BCAS3: variants seen among roughly 807,000 people sequenced by gnomAD.
The protein encoded by BCAS3 is BCAS3 microtubule associated cell migration factor.
A neutral mutation model predicts 116.1 loss-of-function variants in BCAS3; 53 were observed. The observed-to-expected ratio is 0.46, with a 90% CI of 0.37 to 0.57. The LOEUF is 0.57. BCAS3 is among the 20% of genes least tolerant of loss of function. The probability of loss-of-function intolerance (pLI) is 0.00; values close to 1 mark genes in which losing one functional copy is unlikely to be tolerated. For missense variants in BCAS3, 917 were observed against 1,165.4 expected, an observed-to-expected ratio of 0.79 and a Z score of 3.10; for synonymous variants, 391 against 408.2, an observed-to-expected ratio of 0.96 and a Z score of 0.51.
intron 22 of BCAS3, among the ~76,000 whole-genome samples, chr17:61,246,573 C>T (rs2047975850): frequency 6.6e-6 from 1 of 151,664 alleles, no homozygotes; most frequent in Admixed American, 6.6e-5. Context: ...ATGTAGGAGC[C>T]TTGGTGTTAG....
intron 4 of BCAS3, among the ~76,000 whole-genome samples, chr17:60,707,819 T>G (rs1364799656): frequency 6.6e-6 from 1 of 152,236 alleles, no homozygotes; most frequent in Non-Finnish European, 1.5e-5. Context: ...TTTCCGATGT[T>G]AAACCATCTT....
At chr17:60,694,373 C>A (rs894614652) in intron 4 of BCAS3, among the ~76,000 whole-genome samples, 4 of 151,724 alleles carry the variant, frequency 2.6e-5, no homozygotes, top group African/African-American at 9.7e-5. Context: ...TGGTGGCATG[C>A]GCCTGTAGTC....
intron 22 of BCAS3, among the ~76,000 whole-genome samples, chr17:61,345,294 G>A (rs2143281148): frequency 6.6e-6 from 1 of 152,340 alleles, no homozygotes; most frequent in South Asian, 2.1e-4. Flanking sequence ...TTTGGGGGCT[G>A]TGTTTTGTGC....
At chr17:60,946,331 A>G (rs1188300345) in intron 13 of BCAS3, among the ~76,000 whole-genome samples, 2 of 152,170 alleles carry the variant, frequency 1.3e-5, no homozygotes, top group African/African-American at 4.8e-5. Flanking sequence ...TAAAATGATG[A>G]TAGGCCTAAA....
At chr17:60,854,329 T>G (rs1294841661) in intron 7 of BCAS3, among the ~76,000 whole-genome samples, 1 of 152,192 alleles carries the variant, frequency 6.6e-6, no homozygotes, top group African/African-American at 2.4e-5. Context: ...TCCAAGTCTT[T>G]GCTGTTGTGA....
chr17:61,253,037 G>A (rs1239572788), intron 22 of BCAS3, among the ~76,000 whole-genome samples: 1 of 151,430 alleles, frequency 6.6e-6, no homozygotes, highest in Non-Finnish European at 1.5e-5. Context: ...GTGCTACCAT[G>A]CCTAATTTTG....
At position 60,814,299 on chromosome 17, in the gene BCAS3, G is replaced by GCA. The variant is rs754671905; in HGVS notation, c.476+6223_476+6224insCA. 7.9e-5 allele frequency among the ~76,000 whole-genome samples: 10 copies of GCA among 126,430 alleles called. No individual in the cohort carries two copies. The East Asian group carries it at 8.2e-4, about 10-fold the overall frequency. 82.9% of individuals were successfully genotyped at this position (126,430 alleles called of 152,430 possible). On this transcript the variant is annotated intron_variant, in intron 7 of 23. Coordinates refer to ENST00000407086, the MANE Select transcript of BCAS3 (RefSeq NM_017679.5). ...TGTGTGTGTGTGTGTGTGTGTGTGTGTGTGTGTGCGCGCGTGCCCATTGCA... is the reference window on the plus strand; with the variant it reads ...TGTGTGTGTGTGTGTGTGTGTGTGTGCATGTGTGTGCGCGCGTGCCCATTGCA...
At chr17:60,820,084 T>C (rs969566921) in intron 7 of BCAS3, among the ~76,000 whole-genome samples, 3 of 152,108 alleles carry the variant, frequency 2.0e-5, no homozygotes, top group Middle Eastern at 3.4e-3. Context: ...TTTTTTTTTT[T>C]TTCTGAGGCA....
In BCAS3 at chr17:61,176,322, A is replaced by G. The variant is rs924261569; in HGVS notation, c.2425+91758A>G. Among the ~76,000 whole-genome samples, 6 of 148,458 alleles carry G rather than the reference A, an allele frequency of 4.0e-5. No individual in the cohort carries two copies. In the East Asian group the frequency reaches 9.8e-4, roughly 24 times the overall value. ...TATATACATTTTTCTGACTTTATATATAGATATAAAACCAGAAAAGCTATT... is the reference window on the plus strand; with the variant it reads ...TATATACATTTTTCTGACTTTATATGTAGATATAAAACCAGAAAAGCTATT... On this transcript the variant is annotated intron_variant, in intron 22 of 23. Transcript: ENST00000407086.
chr17:60,789,933 C>A (rs2046611609), intron 6 of BCAS3, among the ~76,000 whole-genome samples: 1 of 151,920 alleles, frequency 6.6e-6, no homozygotes, highest in African/African-American at 2.4e-5. Flanking sequence ...ACATTGTTTT[C>A]TAACCTTGAA....
At chr17:60,794,031 A>G (rs1183105445) in intron 6 of BCAS3, among the ~76,000 whole-genome samples, 3 of 152,164 alleles carry the variant, frequency 2.0e-5, no homozygotes, top group Non-Finnish European at 2.9e-5. Flanking sequence ...CCAGCAGTGT[A>G]GAAGTGTTCC....
intron 9 of BCAS3, chr17:60,887,521 G>T (rs1350534932): frequency 6.6e-6 from 1 of 152,176 alleles, no homozygotes; most frequent in Non-Finnish European, 1.5e-5. Context: ...TTTTGTATGT[G>T]GTATGAGATA....
At chr17:60,739,535 G>A (rs559108271) in intron 5 of BCAS3, among the ~76,000 whole-genome samples, 9 of 152,066 alleles carry the variant, frequency 5.9e-5, no homozygotes, top group East Asian at 5.8e-4. Context: ...CAGGAGAATC[G>A]CTTGAATTCG....
rs113322219 is a variant in BCAS3 at position 60,923,071 on chromosome 17, A to C, written c.994-1336A>C. ...ATTATAACCAATGCAAGACTAATGA[A>C]GCAAATAATAAAGATCTGGATAGAA... On this transcript the variant is annotated intron_variant, in intron 12 of 23. Transcript: ENST00000407086. Among the ~76,000 whole-genome samples, 573 of 152,324 alleles carry C rather than the reference A, an allele frequency of 3.8e-3. 3 individuals are homozygous for C. The highest frequency in any genetic ancestry group is 0.013 in the African/African-American group (545 of 41,576).
At chr17:60,987,850 TC>T (rs1256391364) in intron 14 of BCAS3, among the ~76,000 whole-genome samples, 1 of 152,164 alleles carries the variant, frequency 6.6e-6, no homozygotes, top group Non-Finnish European at 1.5e-5. Context: ...GGCTAGGACT[TC>T]CGGTACTTTG....
intron 5 of BCAS3, among the ~76,000 whole-genome samples, chr17:60,716,132 A>T (rs1421649364): frequency 6.6e-6 from 1 of 152,218 alleles, no homozygotes; most frequent in Non-Finnish European, 1.5e-5. Flanking sequence ...AAGTGCTGGG[A>T]TTACAGGCGT....
intron 12 of BCAS3, among the ~76,000 whole-genome samples, chr17:60,911,668 CA>C (rs1445808232): frequency 1.3e-5 from 2 of 152,148 alleles, no homozygotes; most frequent in Admixed American, 1.3e-4. Context: ...CCCCTGGCCT[CA>C]GGTGATATGC....
rs1378444734 is a variant in BCAS3, at chr17:61,249,813, TTC to T, written c.2426-118512_2426-118511del. 2.0e-5 allele frequency among the ~76,000 whole-genome samples: 3 copies of T among 152,168 alleles called. No homozygotes were observed. Among genetic ancestry groups the T allele is most frequent in the South Asian group, 2.1e-4 (1 of 4,830 alleles). ...GTTATCTGTCAAAAGGGAAAAAACT[TTC>T]TGTTATCTACCTGATAGACCCATGG... is the stretch of plus-strand genomic sequence containing the variant. On this transcript the variant is annotated intron_variant, in intron 22 of 23. Transcript: ENST00000407086. The surrounding 1 kb of genome is among the most constrained non-coding windows in gnomAD (Gnocchi z 6.2).
intron 15 of BCAS3, among the ~76,000 whole-genome samples, chr17:61,006,926 C>T (rs1219877720): frequency 6.6e-6 from 1 of 151,914 alleles, no homozygotes; most frequent in Non-Finnish European, 1.5e-5. Context: ...AAACTACAAT[C>T]CTAATACGTA....
Sources: allele counts gnomAD v4.1 joint callset (sites outside exome capture counted in the v4.1 genomes callset), GRCh38; gene constraint gnomAD v4.1.1; non-coding constraint Gnocchi (gnomAD v3.1); transcripts MANE v1.5; gene names NCBI Gene and HGNC (gene_info 2026-07-23, HGNC 2026-07-21).